The following METTL8 variants were observed in gnomAD, a reference collection of about 807,000 sequenced individuals.
METTL8 encodes tRNA N(3)-cytidine methyltransferase METTL8, mitochondrial.
Under a neutral mutation model 48.7 loss-of-function variants are expected in METTL8, and 32 were observed. That is an observed-to-expected ratio of 0.66 (90% CI 0.50 to 0.88). The LOEUF is 0.88. METTL8 is among the 40% of genes least tolerant of loss of function. The pLI, the probability that METTL8 is intolerant of heterozygous loss-of-function variation, is 0.00. For missense variants in METTL8, 464 were observed against 474.4 expected, an observed-to-expected ratio of 0.98 and a Z score of 0.20; for synonymous variants, 136 against 157.1, an observed-to-expected ratio of 0.87 and a Z score of 1.01.
intron 7 of METTL8, among the ~76,000 whole-genome samples, chr2:171,327,346 G>C (rs1174518192): frequency 1.3e-5 from 2 of 152,144 alleles, no homozygotes; most frequent in East Asian, 3.8e-4. Context: ...TGACAGCATC[G>C]GCTGCCTACA....
intron 1 of METTL8, among the ~76,000 whole-genome samples, chr2:171,405,611 G>T (rs1690095160): frequency 6.6e-6 from 1 of 152,116 alleles, no homozygotes; most frequent in South Asian, 2.1e-4. Flanking sequence ...TGAAAGAAGG[G>T]TATTTGTTAA....
At chr2:171,386,239 T>C (rs1688038313) in intron 2 of METTL8, among the ~76,000 whole-genome samples, 2 of 152,308 alleles carry the variant, frequency 1.3e-5, no homozygotes, top group South Asian at 2.1e-4. Context: ...AATTGATAAA[T>C]GAGGAGCTTG....
At chr2:171,351,157 G>C (rs1392498283) in intron 3 of METTL8, among the ~76,000 whole-genome samples, 1 of 152,164 alleles carries the variant, frequency 6.6e-6, no homozygotes, top group Non-Finnish European at 1.5e-5. Flanking sequence ...ATAAGGAAGG[G>C]ATCCAGTTCC....
chr2:171,360,607 T>A, intron 2 of METTL8, 94 bp from the exon 3 acceptor site: 1 of 1,013,068 alleles, frequency 9.9e-7, no homozygotes, highest in Non-Finnish European at 1.5e-6. Flanking sequence ...CTAGATTAGC[T>A]GAAGACATAT....
chr2:171,366,490 C>A (rs776500393), intron 2 of METTL8, among the ~76,000 whole-genome samples: 4 of 152,056 alleles, frequency 2.6e-5, no homozygotes, highest in Non-Finnish European at 5.9e-5. Context: ...ACCATATAAT[C>A]AAAAACTATT....
Position 171,317,286 on chromosome 2 carries a change from T to C in METTL8, c.*6886A>G, listed in dbSNP as rs750718275. The C allele has an allele frequency of 3.9e-5, 6 of 152,198 alleles. No individual in the cohort carries two copies. The highest frequency in any genetic ancestry group is 3.9e-4 in the Admixed American group (6 of 15,278). 9.4% of individuals were successfully genotyped at this position (152,198 alleles called of 1,614,324 possible). ...AAATTAATTTCTGCGTTTTCTGCAA[T>C]GAACTAGGAGCAATGGATTGAAAAT... On this transcript the variant is annotated 3_prime_UTR_variant, in exon 10 of 10. Transcript: ENST00000375258.
intron 1 of METTL8, among the ~76,000 whole-genome samples, chr2:171,426,342 A>G (rs1296549182): frequency 6.6e-6 from 1 of 152,190 alleles, no homozygotes; most frequent in Non-Finnish European, 1.5e-5. Context: ...AAGAGTACAC[A>G]TATATAATAT....
chr2:171,368,769 G>T (rs1685982008), intron 2 of METTL8, among the ~76,000 whole-genome samples: 1 of 152,118 alleles, frequency 6.6e-6, no homozygotes, highest in Non-Finnish European at 1.5e-5. Flanking sequence ...AGGCCCTGTG[G>T]AGCAGTCTTG....
At chr2:171,393,036 G>A (rs978562296) in intron 1 of METTL8, among the ~76,000 whole-genome samples, 13 of 152,068 alleles carry the variant, frequency 8.5e-5, no homozygotes, top group Middle Eastern at 3.4e-3. Flanking sequence ...CCCAGGAGGC[G>A]GAGATTGCAG....
Position 171,324,371 on chromosome 2 carries a change from C to A in METTL8, c.1034-9G>T. On this transcript the variant is annotated splice_polypyrimidine_tract_variant and intron_variant, in intron 9 of 9. Transcript: ENST00000375258. ...CATACTGTGGACTTCCCCTGTGAGACAAAAATGGCAATAAAAGATATGACA... is the reference window on the plus strand; with the variant it reads ...CATACTGTGGACTTCCCCTGTGAGAAAAAAATGGCAATAAAAGATATGACA... 6.5e-7 allele frequency: 1 copy of A among 1,548,914 alleles called. No individual in the cohort carries two copies.
rs767155009 is a variant in METTL8, at chr2:171,360,400, G to A, written c.235+22C>T. The A allele has an allele frequency of 8.1e-6, 13 of 1,603,986 alleles. No individual in the cohort carries two copies. The South Asian group carries it at 1.3e-4, about 16-fold the overall frequency. On this transcript the variant is annotated intron_variant, in intron 3 of 9. Coordinates refer to ENST00000375258, the MANE Select transcript of METTL8 (RefSeq NM_001321154.2). Reference sequence around the variant, plus strand: ...AGTCACTAAAGCTCTGGCTCTAGGAGCTACAGCACGCAGTTGACTACCTTG... The same window carrying A: ...AGTCACTAAAGCTCTGGCTCTAGGAACTACAGCACGCAGTTGACTACCTTG...
At position 171,320,751 on chromosome 2, in the gene METTL8, T is replaced by A. The variant is rs1031164019; in HGVS notation, c.*3421A>T. ...ATGCATGTTTAAACAGAAAGCTTGA[T>A]AATTGTACTTTTGAGGACTTGCCAT... On this transcript the variant is annotated 3_prime_UTR_variant, in exon 10 of 10. Coordinates refer to ENST00000375258, the MANE Select transcript of METTL8 (RefSeq NM_001321154.2). 7 of 152,250 alleles carry A rather than the reference T, an allele frequency of 4.6e-5. No individual in the cohort carries two copies. Among genetic ancestry groups the A allele is most frequent in the African/African-American group, 1.4e-4 (6 of 41,476 alleles). 9.4% of individuals were successfully genotyped at this position (152,250 alleles called of 1,614,324 possible). A position where few individuals can be genotyped will look rare whatever the true frequency, so the allele number is the denominator to read the frequency against.
chr2:171,429,891 T>C (rs1692810212), intron 1 of METTL8, among the ~76,000 whole-genome samples: 1 of 151,668 alleles, frequency 6.6e-6, no homozygotes, highest in South Asian at 2.1e-4. Flanking sequence ...AATACAAAAA[T>C]TAGCTGGGTG....
chr2:171,393,407 C>CGA (rs1553524675), intron 1 of METTL8, among the ~76,000 whole-genome samples: 2 of 104,186 alleles, frequency 1.9e-5, no homozygotes, highest in Non-Finnish European at 3.6e-5. Flanking sequence ...TATAAAAAAG[C>CGA]AAAAAAAAAA....
intron 1 of METTL8, among the ~76,000 whole-genome samples, chr2:171,397,097 C>T (rs1266105621): frequency 6.6e-6 from 1 of 151,484 alleles, no homozygotes; most frequent in African/African-American, 2.4e-5. Context: ...GCTGGGATTA[C>T]AGGCATCAGC....
intron 1 of METTL8, among the ~76,000 whole-genome samples, chr2:171,432,508 T>A (rs1693168940): frequency 6.6e-6 from 1 of 152,206 alleles, no homozygotes; most frequent in Non-Finnish European, 1.5e-5. Context: ...CAGAAATGAT[T>A]TGAATTTCAT....
rs963548432 is a variant in METTL8, at chr2:171,317,491, C to G, written c.*6681G>C. On this transcript the variant is annotated 3_prime_UTR_variant, in exon 10 of 10. Coordinates refer to ENST00000375258, the MANE Select transcript of METTL8 (RefSeq NM_001321154.2). ...CCCTGGGCCCTGGATCTACTCAGTG[C>G]CTACCTGCTGGAGAAAATCAAAGAT... 6.6e-6 allele frequency: 1 copy of G among 152,376 alleles called. No individual in the cohort carries two copies. The highest frequency in any genetic ancestry group is 1.5e-5 in the Non-Finnish European group (1 of 68,154). The allele number at this position is 152,376 out of a possible 1,614,324, so 9.4% of individuals were successfully genotyped here. A position where few individuals can be genotyped will look rare whatever the true frequency, so the allele number is the denominator to read the frequency against.
intron 7 of METTL8, among the ~76,000 whole-genome samples, 187 bp downstream of exon 7, chr2:171,330,372 A>G (rs925114537): frequency 6.6e-6 from 1 of 152,244 alleles, no homozygotes. Context: ...TTAATGAAGT[A>G]GTCTGACCAG....
chr2:171,323,063 T>TC lies in METTL8; in HGVS notation c.*1108_*1109insG, dbSNP rs1684611306. 1.3e-5 allele frequency: 2 copies of TC among 152,178 alleles called. No homozygotes were observed. The highest frequency in any genetic ancestry group is 4.8e-5 in the African/African-American group (2 of 41,430). 9.4% of individuals were successfully genotyped at this position (152,178 alleles called of 1,614,324 possible). On this transcript the variant is annotated 3_prime_UTR_variant, in exon 10 of 10. Transcript: ENST00000375258. Reference sequence around the variant, plus strand: ...TTTTATCAGCAAGGTCTGTATGACCTGTATCTTGTACTGACTTCCTATCTC... The same window carrying TC: ...TTTTATCAGCAAGGTCTGTATGACCTCGTATCTTGTACTGACTTCCTATCTC...
Sources: gnomAD v4.1 joint callset for allele counts (sites outside exome capture counted in the v4.1 genomes callset) on GRCh38, gnomAD v4.1.1 for gene constraint, MANE v1.5 for transcripts, NCBI Gene and HGNC (gene_info 2026-07-23, HGNC 2026-07-21) for gene names.